Variants in STK4 observed in about 807,000 individuals in gnomAD.
STK4 encodes the protein serine/threonine-protein kinase 4.
In STK4, 30 loss-of-function variants were observed where a neutral mutation model predicts 64.9. That is an observed-to-expected ratio of 0.46 (90% CI 0.35 to 0.63). The LOEUF (loss-of-function observed/expected upper bound fraction) is 0.63, where lower values mean the gene tolerates loss of function less well. Ranked by LOEUF, STK4 falls within the 20% of genes least tolerant of loss-of-function variation. The probability of loss-of-function intolerance (pLI) is 0.01; values close to 1 mark genes in which losing one functional copy is unlikely to be tolerated. For synonymous variants in STK4, 177 were observed against 199.0 expected (o/e 0.89, Z 0.93); for missense variants, 466 against 598.5 (o/e 0.78, Z 2.31).
chr20:45,005,150 C>T (rs533506882), intron 9 of STK4, among the ~76,000 whole-genome samples: 6 of 152,170 alleles, frequency 3.9e-5, no homozygotes, highest in Admixed American at 3.9e-4. Flanking sequence ...CCTCTCTCCA[C>T]TCTCTTCTAC....
intron 10 of STK4, among the ~76,000 whole-genome samples, chr20:45,034,898 C>CA (rs1318429569): frequency 1.3e-5 from 2 of 151,984 alleles, no homozygotes; most frequent in East Asian, 3.8e-4. Flanking sequence ...CCCTGAGTGA[C>CA]AGAGTGAGAC....
At chr20:45,063,298 C>T (rs1182136285) in intron 10 of STK4, among the ~76,000 whole-genome samples, 1 of 151,986 alleles carries the variant, frequency 6.6e-6, no homozygotes, top group African/African-American at 2.4e-5. Context: ...AGCCACTGCA[C>T]CTGGCCTCAT....
At chr20:44,998,734 G>A (rs2067780688) in intron 7 of STK4, among the ~76,000 whole-genome samples, 1 of 152,190 alleles carries the variant, frequency 6.6e-6, no homozygotes, top group Admixed American at 6.5e-5. Flanking sequence ...ATAGATACCT[G>A]TGCCTGGCAT....
At chr20:45,024,825 G>GT (rs879661151) in intron 9 of STK4, 148 bp from the exon 10 acceptor site, 20 of 807,916 alleles carry the variant, frequency 2.5e-5, no homozygotes, top group Admixed American at 1.3e-4. Flanking sequence ...ATTTTTTGTA[G>GT]TTTCACTAGA....
At chr20:44,972,011 GAT>G in intron 1 of STK4, 65 bp from the exon 2 acceptor site, 1 of 1,439,632 alleles carries the variant, frequency 6.9e-7, no homozygotes, top group Non-Finnish European at 9.7e-7. Context: ...ATAAAAAAAA[GAT>G]ATATTTTATG....
chr20:44,976,170 AT>A (rs1167868230), intron 2 of STK4, among the ~76,000 whole-genome samples: 1 of 152,248 alleles, frequency 6.6e-6, no homozygotes, highest in Non-Finnish European at 1.5e-5. Context: ...AGCCCAATAA[AT>A]TGGATAAACA....
chr20:45,011,736 T>A (rs866811952), intron 9 of STK4, among the ~76,000 whole-genome samples: 6,010 of 118,152 alleles, frequency 0.051, 256 homozygotes, highest in Non-Finnish European at 0.073. Context: ...TATATTTTTT[T>A]TTTTTTTTTT....
At chr20:45,023,682 T>G (rs2068289849) in intron 9 of STK4, among the ~76,000 whole-genome samples, 1 of 152,136 alleles carries the variant, frequency 6.6e-6, no homozygotes, top group Non-Finnish European at 1.5e-5. Context: ...TTATTCTTTC[T>G]GCTCTTGTTA....
At chr20:44,973,915 C>G (rs1011192995) in intron 2 of STK4, among the ~76,000 whole-genome samples, 1 of 152,194 alleles carries the variant, frequency 6.6e-6, no homozygotes, top group Non-Finnish European at 1.5e-5. Context: ...AAGACCTCAT[C>G]ATGTCAAGTC....
intron 10 of STK4, among the ~76,000 whole-genome samples, chr20:45,040,279 A>C (rs1292200198): frequency 6.6e-6 from 1 of 152,090 alleles, no homozygotes; most frequent in African/African-American, 2.4e-5. Context: ...AATCTCAGGT[A>C]CAATGTATAC....
chr20:45,007,379 C>T (rs769588628), intron 9 of STK4, among the ~76,000 whole-genome samples: 2 of 152,046 alleles, frequency 1.3e-5, no homozygotes, highest in Non-Finnish European at 2.9e-5. Context: ...GGTGAAACCC[C>T]ATCTTAAGAA....
At chr20:45,060,493 T>C (rs561800885) in intron 10 of STK4, among the ~76,000 whole-genome samples, 1 of 152,290 alleles carries the variant, frequency 6.6e-6, no homozygotes, top group South Asian at 2.1e-4. Flanking sequence ...CAGGGATTCT[T>C]CCATCTGTCA....
Position 45,075,222 on chromosome 20 carries a change from GAATTC to G in STK4, c.*47_*51del. On this transcript the variant is annotated 3_prime_UTR_variant, in exon 11 of 11. Coordinates refer to ENST00000372806, the MANE Select transcript of STK4 (RefSeq NM_006282.5). ...CCCCAGCTCCACCCAGGCTTTGGGTGAATTCTGGATGGCTTGCCTCATGTTTGTTA... is the reference window on the plus strand; with the variant it reads ...CCCCAGCTCCACCCAGGCTTTGGGTGTGGATGGCTTGCCTCATGTTTGTTA... 1 of 1,600,732 alleles carries G rather than the reference GAATTC, an allele frequency of 6.2e-7. No individual in the cohort carries two copies. The highest frequency in any genetic ancestry group is 1.3e-5 in the African/African-American group (1 of 74,832).
At chr20:44,978,846 T>C (rs2067385627) in intron 3 of STK4, among the ~76,000 whole-genome samples, 1 of 151,300 alleles carries the variant, frequency 6.6e-6, no homozygotes, top group Non-Finnish European at 1.5e-5. Context: ...TCGCCCAGGC[T>C]GGGGTGCAGT....
At chr20:45,059,282 CA>C (rs1382613566) in intron 10 of STK4, among the ~76,000 whole-genome samples, 1 of 152,188 alleles carries the variant, frequency 6.6e-6, no homozygotes, top group Non-Finnish European at 1.5e-5. Flanking sequence ...GTAATCTTAG[CA>C]GCCTTAGTGT....
chr20:45,057,515 C>T (rs1166289761), intron 10 of STK4, among the ~76,000 whole-genome samples: 1 of 152,118 alleles, frequency 6.6e-6, no homozygotes, highest in Non-Finnish European at 1.5e-5. Flanking sequence ...ACAAATAGAA[C>T]TATACCTTCC....
At chr20:45,024,873 T>A (rs2068315345) in intron 9 of STK4, 100 bp from the exon 10 acceptor site, 17 of 1,180,774 alleles carry the variant, frequency 1.4e-5, no homozygotes, top group Non-Finnish European at 1.9e-5. Flanking sequence ...AAATATCCAC[T>A]GATCCAGAGA....
At chr20:44,969,525 G>GAA (rs1555804296) in intron 1 of STK4, among the ~76,000 whole-genome samples, 1 of 147,598 alleles carries the variant, frequency 6.8e-6, no homozygotes, top group Non-Finnish European at 1.5e-5. Context: ...GTGTGATTAA[G>GAA]TGATGACAGA....
intron 7 of STK4, among the ~76,000 whole-genome samples, chr20:44,998,080 A>G (rs2067768232): frequency 6.6e-6 from 1 of 152,226 alleles, no homozygotes; most frequent in South Asian, 2.1e-4. Context: ...CAAAGAATTA[A>G]GAGCAGTGGT....
Sources: gnomAD v4.1 joint callset for allele counts (sites outside exome capture counted in the v4.1 genomes callset) on GRCh38, gnomAD v4.1.1 for gene constraint, MANE v1.5 for transcripts, NCBI Gene and HGNC (gene_info 2026-07-23, HGNC 2026-07-21) for gene names.